INSL6: variants seen among roughly 807,000 people sequenced by gnomAD.
The protein encoded by INSL6 is insulin like 6, also known as insulin-like peptide INSL6.
A neutral mutation model predicts 9.4 loss-of-function variants in INSL6; 16 were observed. That is an observed-to-expected ratio of 1.70 (90% CI 1.15 to 2.59). The LOEUF is 2.59. Among genes scored for constraint, INSL6 ranks in the 30% most tolerant of loss-of-function variants. INSL6 has a pLI of 0.00. For synonymous variants in INSL6, 154 were observed against 96.9 expected, an observed-to-expected ratio of 1.59 and a Z score of -3.46; for missense variants, 391 against 257.3, an observed-to-expected ratio of 1.52 and a Z score of -3.56.
the INSL6 span, among the ~76,000 whole-genome samples, chr9:5,029,204 T>C: frequency 1.3e-5 from 2 of 152,168 alleles, no homozygotes; most frequent in Admixed American, 6.5e-5. Flanking sequence ...AATTTCCATA[T>C]TGTTGTGTCT....
Position 5,150,609 on chromosome 9 carries a change from CTTA to C in INSL6, c.376+13567_376+13569del, listed in dbSNP as rs374470478. Among the ~76,000 whole-genome samples the C allele has an allele frequency of 8.6e-4, 131 of 152,186 alleles. 6 individuals are homozygous for C. The South Asian group carries it at 0.027, about 31-fold the overall frequency. ...ACGAGGATGTGGAGAAAAGAGAACA[CTTA>C]TTATTTTGGAATGTAAGTTAGTACA... On this transcript the variant is annotated intron_variant, in intron 2 of 3. Transcript: ENST00000649639.
the INSL6 span, among the ~76,000 whole-genome samples, chr9:5,045,982 G>C: frequency 1.3e-5 from 2 of 152,090 alleles, no homozygotes; most frequent in Non-Finnish European, 2.9e-5. Flanking sequence ...TGTAGTGGCT[G>C]CACTATTTTT....
the INSL6 span, among the ~76,000 whole-genome samples, chr9:5,063,526 T>G: frequency 2.0e-5 from 3 of 152,194 alleles, no homozygotes; most frequent in Non-Finnish European, 2.9e-5. Context: ...TTTCTAAATC[T>G]CATGTTTGCC....
At chr9:5,061,981 A>C in the INSL6 span, among the ~76,000 whole-genome samples, 9 of 152,266 alleles carry the variant, frequency 5.9e-5, no homozygotes, top group Non-Finnish European at 1.3e-4. Flanking sequence ...AAAGAAAGGG[A>C]AATAGCTATT....
chr9:5,085,014 A>C, the INSL6 span: 5 of 841,774 alleles, frequency 5.9e-6, no homozygotes, highest in East Asian at 1.9e-4. Context: ...TCTTGTGAGT[A>C]CAATTTCTGA....
the INSL6 span, chr9:5,077,457 T>C: frequency 1.8e-6 from 2 of 1,107,814 alleles, no homozygotes; most frequent in Non-Finnish European, 2.5e-6. Flanking sequence ...ATGCAGATAT[T>C]CTGGTTCAGG....
the INSL6 span, among the ~76,000 whole-genome samples, chr9:5,072,833 T>TG: frequency 6.6e-6 from 1 of 152,212 alleles, no homozygotes; most frequent in Non-Finnish European, 1.5e-5. Context: ...AAACTAATTA[T>TG]GTTTAGCATT....
At chr9:5,174,034 A>T (rs1041532836) in intron 1 of INSL6, among the ~76,000 whole-genome samples, 1 of 152,202 alleles carries the variant, frequency 6.6e-6, no homozygotes, top group African/African-American at 2.4e-5. Context: ...GATGAACTAT[A>T]CACTCTAAAG....
chr9:5,099,861 G>A, the INSL6 span: 1 of 152,078 alleles, frequency 6.6e-6, no homozygotes, highest in Non-Finnish European at 1.5e-5. Flanking sequence ...CAATAAACCT[G>A]GGTATAGCAA....
intron 3 of INSL6, chr9:5,126,134 C>G (rs1360282195): frequency 2.1e-6 from 1 of 471,788 alleles, no homozygotes; most frequent in African/African-American, 2.0e-5. Context: ...TTTATTACAG[C>G]TATGGAAATG....
the INSL6 span, among the ~76,000 whole-genome samples, chr9:5,005,247 G>A: frequency 6.6e-6 from 1 of 151,426 alleles, no homozygotes; most frequent in South Asian, 2.1e-4. Flanking sequence ...ACTGCACCCA[G>A]TCTGTATTGT....
chr9:5,008,260 G>A, the INSL6 span, among the ~76,000 whole-genome samples: 3 of 152,074 alleles, frequency 2.0e-5, no homozygotes, highest in Non-Finnish European at 2.9e-5. Flanking sequence ...ATTATATTTT[G>A]TATGATTTCA....
chr9:5,133,507 C>G (rs1824330583), exon 3 of INSL6: 1 of 154,334 alleles, frequency 6.5e-6, no homozygotes, highest in Non-Finnish European at 1.4e-5. Context: ...AAGGAACAGG[C>G]AGCAATCTTT....
At chr9:5,181,924 A>G (rs1192756753) in intron 1 of INSL6, among the ~76,000 whole-genome samples, 2 of 152,216 alleles carry the variant, frequency 1.3e-5, no homozygotes, top group Non-Finnish European at 2.9e-5. Flanking sequence ...TAACTGTATA[A>G]TGCTAATTGT....
chr9:5,102,493 C>T, the INSL6 span, among the ~76,000 whole-genome samples: 4 of 152,122 alleles, frequency 2.6e-5, no homozygotes, highest in African/African-American at 9.7e-5. Context: ...GGAGAACTTC[C>T]CCGACCTACC....
chr9:5,176,120 C>T (rs773266480), intron 1 of INSL6, among the ~76,000 whole-genome samples: 6 of 152,180 alleles, frequency 3.9e-5, no homozygotes, highest in Non-Finnish European at 8.8e-5. Context: ...ATTTTCTCTG[C>T]TCCAACCACA....
chr9:5,054,575 C>G, the INSL6 span: 1 of 1,582,102 alleles, frequency 6.3e-7, no homozygotes, highest in African/African-American at 1.4e-5. This position sits in a 1 kb window ranked among gnomAD's most constrained non-coding sequence, Gnocchi z 4.9. Flanking sequence ...ACAAGACATT[C>G]TTACCAAAAT....
At chr9:5,174,888 C>T (rs537936305) in intron 1 of INSL6, among the ~76,000 whole-genome samples, 2 of 152,274 alleles carry the variant, frequency 1.3e-5, no homozygotes, top group South Asian at 4.1e-4. Flanking sequence ...CAATCCCATC[C>T]TTCTAGGTGT....
chr9:5,161,661 G>T (rs1323851309), downstream of INSL6, among the ~76,000 whole-genome samples: 1 of 152,126 alleles, frequency 6.6e-6, no homozygotes, highest in Non-Finnish European at 1.5e-5. Flanking sequence ...TTATTTACAG[G>T]TGCTATGATC....
Sources: gnomAD v4.1 joint callset for allele counts (sites outside exome capture counted in the v4.1 genomes callset) on GRCh38, gnomAD v4.1.1 for gene constraint, Gnocchi (gnomAD v3.1) non-coding constraint, MANE v1.5 for transcripts, NCBI Gene and HGNC (gene_info 2026-07-23, HGNC 2026-07-21) for gene names.